The following ATP8A2 variants were observed in gnomAD, a reference collection of about 807,000 sequenced individuals.
The protein encoded by ATP8A2 is ATPase phospholipid transporting 8A2, also known as phospholipid-transporting ATPase IB.
Under a neutral mutation model 165.6 loss-of-function variants are expected in ATP8A2, and 100 were observed. The ratio of observed to expected loss-of-function variants is 0.60; its 90% CI spans 0.51 to 0.71. The LOEUF is 0.71. ATP8A2 is among the 30% of genes least tolerant of loss of function. The probability of loss-of-function intolerance (pLI) is 0.00; values close to 1 mark genes in which losing one functional copy is unlikely to be tolerated. For synonymous variants in ATP8A2, 543 were observed against 548.8 expected, an observed-to-expected ratio of 0.99 and a Z score of 0.15; for missense variants, 1,227 against 1,479.5, an observed-to-expected ratio of 0.83 and a Z score of 2.80.
chr13:25,794,820 T>TACACACACACACACACACACACAC (rs3053488), intron 27 of ATP8A2, among the ~76,000 whole-genome samples: 13 of 139,610 alleles, frequency 9.3e-5, no homozygotes, highest in South Asian at 5.0e-4. Context: ...TTCCCTCTCC[T>TACACACACACACACACACACACAC]ACACACACAC....
chr13:25,392,425 A>G (rs2033280710), intron 1 of ATP8A2, among the ~76,000 whole-genome samples: 1 of 152,170 alleles, frequency 6.6e-6, no homozygotes, highest in African/African-American at 2.4e-5. Context: ...AGTCCCATGG[A>G]AGACCTCTTC....
intron 24 of ATP8A2, among the ~76,000 whole-genome samples, chr13:25,644,266 A>G (rs1447192483): frequency 3.3e-5 from 5 of 152,090 alleles, no homozygotes; most frequent in African/African-American, 1.2e-4. Flanking sequence ...GGAATCCAAC[A>G]TTCAATAGAC....
intron 2 of ATP8A2, among the ~76,000 whole-genome samples, chr13:25,470,957 G>A (rs193247215): frequency 6.6e-6 from 1 of 152,226 alleles, no homozygotes; most frequent in Admixed American, 6.5e-5. Context: ...TGGGGCTGGG[G>A]AAGAGAGAAA....
intron 35 of ATP8A2, among the ~76,000 whole-genome samples, chr13:25,996,319 C>T (rs1031718756): frequency 6.6e-6 from 1 of 151,998 alleles, no homozygotes; most frequent in African/African-American, 2.4e-5. Context: ...CCTTTTTGAG[C>T]CATCACACCT....
intron 35 of ATP8A2, among the ~76,000 whole-genome samples, chr13:25,970,937 G>A (rs561245333): frequency 7.9e-5 from 12 of 152,214 alleles, no homozygotes; most frequent in Admixed American, 1.3e-4. Context: ...GTTTCCTACC[G>A]TCTACATTTG....
chr13:25,681,246 T>G (rs1161682620), intron 24 of ATP8A2, among the ~76,000 whole-genome samples: 2 of 152,182 alleles, frequency 1.3e-5, no homozygotes, highest in Non-Finnish European at 2.9e-5. Context: ...TCTCTCCCTC[T>G]CCCATGACTC....
At chr13:25,718,395 T>C (rs538373444) in intron 25 of ATP8A2, among the ~76,000 whole-genome samples, 13 of 152,156 alleles carry the variant, frequency 8.5e-5, no homozygotes, top group South Asian at 2.1e-4. Context: ...TCATTTTTTT[T>C]CCCGTTTTAT....
chr13:25,741,575 G>T (rs1334215474), intron 25 of ATP8A2, among the ~76,000 whole-genome samples: 2 of 151,460 alleles, frequency 1.3e-5, no homozygotes, highest in African/African-American at 4.9e-5. Context: ...TTTTGTAGAG[G>T]CAGGGTCTCA....
At chr13:25,557,452 T>C (rs930008995) in intron 13 of ATP8A2, among the ~76,000 whole-genome samples, 5 of 152,160 alleles carry the variant, frequency 3.3e-5, no homozygotes, top group African/African-American at 1.2e-4. Context: ...AATCAGTGAG[T>C]TCTTGGTGCA....
At chr13:25,676,982 G>A (rs1321529017) in intron 24 of ATP8A2, among the ~76,000 whole-genome samples, 1 of 152,046 alleles carries the variant, frequency 6.6e-6, no homozygotes, top group Non-Finnish European at 1.5e-5. Flanking sequence ...CTTTGTTATT[G>A]GGAAGAGGAA....
Position 25,971,385 on chromosome 13 carries a change from A to T in ATP8A2, c.3377+2706A>T, listed in dbSNP as rs867496035. ...CCTGAGGGGTGGAGGGTAGAGACTA[A>T]GAAGTCTGTCTTCAGCTCTGTCCTC... On this transcript the variant is annotated intron_variant, in intron 35 of 36. Coordinates refer to ENST00000381655, the MANE Select transcript of ATP8A2 (RefSeq NM_016529.6). Among the ~76,000 whole-genome samples, 4 of 151,962 alleles carry T rather than the reference A, an allele frequency of 2.6e-5. No homozygotes were observed. In the South Asian group the frequency reaches 6.2e-4, roughly 24 times the overall value.
intron 36 of ATP8A2, among the ~76,000 whole-genome samples, chr13:26,017,372 G>T (rs927754856): frequency 2.0e-5 from 3 of 152,220 alleles, no homozygotes; most frequent in African/African-American, 7.2e-5. Flanking sequence ...ACATAGCCTT[G>T]TTACTGGAGC....
chr13:25,463,309 A>T (rs1025002774), intron 1 of ATP8A2, among the ~76,000 whole-genome samples: 8 of 152,000 alleles, frequency 5.3e-5, no homozygotes, highest in African/African-American at 1.9e-4. Context: ...ATTTGCCCTT[A>T]TGCTAACTCT....
At chr13:25,887,442 G>A (rs1456739406) in intron 33 of ATP8A2, among the ~76,000 whole-genome samples, 4 of 152,014 alleles carry the variant, frequency 2.6e-5, no homozygotes, top group East Asian at 1.9e-4. Flanking sequence ...GGGTTCAAGC[G>A]ATTCTCTTGC....
intron 2 of ATP8A2, among the ~76,000 whole-genome samples, chr13:25,522,794 T>G (rs1357228440): frequency 1.3e-5 from 2 of 152,178 alleles, no homozygotes; most frequent in African/African-American, 2.4e-5. Flanking sequence ...TTTAATATGT[T>G]GGTGAATTCA....
At chr13:25,656,438 G>T (rs972097066) in intron 24 of ATP8A2, among the ~76,000 whole-genome samples, 2 of 151,764 alleles carry the variant, frequency 1.3e-5, no homozygotes, top group African/African-American at 4.8e-5. Context: ...ATGATGCCCG[G>T]CTAATTTTTG....
chr13:25,584,401 C>T (rs2039862495), intron 23 of ATP8A2, among the ~76,000 whole-genome samples: 1 of 152,068 alleles, frequency 6.6e-6, no homozygotes, highest in Non-Finnish European at 1.5e-5. Flanking sequence ...ACCTGTCTCC[C>T]ATAATACTTT....
At chr13:25,601,512 T>C (rs2040385988) in intron 24 of ATP8A2, among the ~76,000 whole-genome samples, 1 of 152,270 alleles carries the variant, frequency 6.6e-6, no homozygotes, top group South Asian at 2.1e-4. Flanking sequence ...TCTCGTTCTG[T>C]CACCCATGCT....
At chr13:25,520,801 A>T (rs184506089) in intron 2 of ATP8A2, among the ~76,000 whole-genome samples, 1 of 151,914 alleles carries the variant, frequency 6.6e-6, no homozygotes, top group East Asian at 1.9e-4. Flanking sequence ...TTTTTAGTAG[A>T]GACAAGGTTT....
Sources: allele counts gnomAD v4.1 joint callset (sites outside exome capture counted in the v4.1 genomes callset), GRCh38; gene constraint gnomAD v4.1.1; transcripts MANE v1.5; gene names NCBI Gene and HGNC (gene_info 2026-07-23, HGNC 2026-07-21).